ANKRD13B: variants seen among roughly 807,000 people sequenced by gnomAD.
ANKRD13B encodes the protein ankyrin repeat domain 13B.
A neutral mutation model predicts 74.4 loss-of-function variants in ANKRD13B; 33 were observed. The ratio of observed to expected loss-of-function variants is 0.44; its 90% CI spans 0.34 to 0.59. The LOEUF (loss-of-function observed/expected upper bound fraction) is 0.59. ANKRD13B is among the 20% of genes least tolerant of loss of function. ANKRD13B has a pLI of 0.02. For missense variants in ANKRD13B, 676 were observed against 877.9 expected, an observed-to-expected ratio of 0.77 and a Z score of 2.91; for synonymous variants, 341 against 362.9, an observed-to-expected ratio of 0.94 and a Z score of 0.68.
rs1555579170 is a variant in ANKRD13B, at chr17:29,599,878, T to TTTG, written c.114+6145_114+6146insGTT. 7.8e-4 allele frequency among the ~76,000 whole-genome samples: 99 copies of TTTG among 126,130 alleles called. 2 individuals carry two copies. Among genetic ancestry groups the TTTG allele is most frequent in the Middle Eastern group, 7.5e-3 (2 of 266 alleles). The allele number at this position is 126,130 out of a possible 152,430, so 82.7% of individuals were successfully genotyped here. On this transcript the variant is annotated intron_variant, in intron 1 of 14. Transcript: ENST00000394859. ...AGCATCTAATTTGTTTTTTTTTTTT[T>TTTG]TTTTTTTTTTTTTTTTGATACGGAG... is the stretch of plus-strand genomic sequence containing the variant.
intron 1 of ANKRD13B, among the ~76,000 whole-genome samples, chr17:29,606,353 G>A (rs569440951): frequency 6.6e-6 from 1 of 151,954 alleles, no homozygotes; most frequent in Admixed American, 6.5e-5. Context: ...GAGGTCAGGA[G>A]TTAGAGACCA....
intron 1 of ANKRD13B, among the ~76,000 whole-genome samples, chr17:29,596,284 G>A (rs957293335): frequency 1.3e-5 from 2 of 152,396 alleles, no homozygotes; most frequent in South Asian, 4.1e-4. Flanking sequence ...CTGGAAGCAG[G>A]GAGTGATGGG....
At chr17:29,613,295 G>C in intron 14 of ANKRD13B, 59 bp from the exon 15 acceptor site, 3 of 1,383,934 alleles carry the variant, frequency 2.2e-6, no homozygotes, top group South Asian at 1.6e-5. Flanking sequence ...GCCGTGTCCC[G>C]GCCCCGGCCG....
intron 1 of ANKRD13B, among the ~76,000 whole-genome samples, chr17:29,601,810 T>C (rs1334851284): frequency 6.6e-6 from 1 of 152,236 alleles, no homozygotes; most frequent in Non-Finnish European, 1.5e-5. Flanking sequence ...GTTTTTGTTT[T>C]TTTCCCCCAG....
chr17:29,608,320 C>T lies in ANKRD13B; in HGVS notation c.421+80C>T. 1 of 1,581,104 alleles carries T rather than the reference C, an allele frequency of 6.3e-7. No homozygotes were observed. The highest frequency in any genetic ancestry group is 8.6e-7 in the Non-Finnish European group (1 of 1,156,984). ...TGCTCCCCTGCCTGGAATGTGTTCT[C>T]ATAGTTCTTCCGGCGGTTCCCTCTA... On this transcript the variant is annotated intron_variant, in intron 4 of 14. Transcript: ENST00000394859. The surrounding 1 kb of genome is among the most constrained non-coding windows in gnomAD (Gnocchi z 6.4).
At chr17:29,598,851 A>G (rs1427122747) in intron 1 of ANKRD13B, among the ~76,000 whole-genome samples, 1 of 152,132 alleles carries the variant, frequency 6.6e-6, no homozygotes, top group Non-Finnish European at 1.5e-5. Flanking sequence ...CGGCATAAAC[A>G]ATATACTTCT....
At chr17:29,597,810 C>T (rs1431118906) in intron 1 of ANKRD13B, among the ~76,000 whole-genome samples, 1 of 152,104 alleles carries the variant, frequency 6.6e-6, no homozygotes, top group African/African-American at 2.4e-5. Flanking sequence ...CCATCCAGGC[C>T]TCCCTGGGGA....
In ANKRD13B at chr17:29,609,453, C is replaced by T; in HGVS notation, c.822+32C>T. ...CTGCAGCTCCCAGCTGCCAGCCCAG[C>T]TGCACTCTTGCCTACAGCAAGCTGT... On this transcript the variant is annotated intron_variant, in intron 7 of 14. Coordinates refer to ENST00000394859, the MANE Select transcript of ANKRD13B (RefSeq NM_152345.5). The surrounding 1 kb of genome is among the most constrained non-coding windows in gnomAD (Gnocchi z 4.0). The T allele has an allele frequency of 1.2e-6, 2 of 1,611,172 alleles. No individual in the cohort carries two copies. The highest frequency in any genetic ancestry group is 1.7e-6 in the Non-Finnish European group (2 of 1,178,912).
At chr17:29,605,313 C>T (rs2034328237) in intron 1 of ANKRD13B, among the ~76,000 whole-genome samples, 1 of 152,042 alleles carries the variant, frequency 6.6e-6, no homozygotes, top group African/African-American at 2.4e-5. Flanking sequence ...TCACCTTGTT[C>T]ATTTTCCTTA....
chr17:29,607,258 T>C (rs1414262218), intron 1 of ANKRD13B, among the ~76,000 whole-genome samples: 1 of 152,248 alleles, frequency 6.6e-6, no homozygotes, highest in Non-Finnish European at 1.5e-5. Flanking sequence ...TGTATTACTG[T>C]AACCGTTTGT....
intron 1 of ANKRD13B, among the ~76,000 whole-genome samples, chr17:29,606,256 T>C (rs2034370053): frequency 6.6e-6 from 1 of 151,180 alleles, no homozygotes; most frequent in Admixed American, 6.6e-5. Context: ...TCTCGAAATA[T>C]ATTTAAATAC....
At chr17:29,604,335 G>A (rs1027608159) in intron 1 of ANKRD13B, among the ~76,000 whole-genome samples, 12 of 151,568 alleles carry the variant, frequency 7.9e-5, no homozygotes, top group Non-Finnish European at 1.0e-4. Context: ...CAGTCACTGA[G>A]TAGCTGAGGC....
chr17:29,602,909 T>C (rs1008168908), intron 1 of ANKRD13B, among the ~76,000 whole-genome samples: 1 of 152,198 alleles, frequency 6.6e-6, no homozygotes, highest in South Asian at 2.1e-4. Context: ...TGGAGTGCAG[T>C]GACACGATCT....
chr17:29,612,640 C>T lies in ANKRD13B; in HGVS notation c.1412-12C>T. The T allele has an allele frequency of 6.5e-7, 1 of 1,531,726 alleles. No homozygotes were observed. The highest frequency in any genetic ancestry group is 1.2e-5 in the South Asian group (1 of 80,276). The allele number at this position is 1,531,726 out of a possible 1,614,324, so 94.9% of individuals were successfully genotyped here. A position where few individuals can be genotyped will look rare whatever the true frequency, so the allele number is the denominator to read the frequency against. On this transcript the variant is annotated splice_polypyrimidine_tract_variant and intron_variant, in intron 12 of 14. Coordinates refer to ENST00000394859, the MANE Select transcript of ANKRD13B (RefSeq NM_152345.5). This position sits in a 1 kb window ranked among gnomAD's most constrained non-coding sequence, Gnocchi z 6.1. ...CGCCCGGCCGTGCCTGACCCAGCCC[C>T]CGCGCCCCCAGCCTCCTGCCGCGGC...
rs1337555345 is a variant in ANKRD13B, at chr17:29,613,499, G to A, written c.1798G>A (p.Glu600Lys). 4.6e-6 allele frequency: 7 copies of A among 1,531,650 alleles called. No homozygotes were observed. The African/African-American group carries it at 5.7e-5, about 12-fold the overall frequency. 94.9% of individuals were successfully genotyped at this position (1,531,650 alleles called of 1,614,324 possible). A position where few individuals can be genotyped will look rare whatever the true frequency, so the allele number is the denominator to read the frequency against. Reference sequence around the variant, plus strand: ...GCTGGCGATGGAACTGTCGGCGCAGGAGCAGGAGGAGAGGCGGCGGCGCGC... The same window carrying A: ...GCTGGCGATGGAACTGTCGGCGCAGAAGCAGGAGGAGAGGCGGCGGCGCGC... ...LRLAMELSAQ[E>K]QEERRRRARQ... The change falls in exon 15 of 15, where the codon GAG becomes AAG. Residue 600 changes from glutamate (E) to lysine (K), a missense_variant. Physicochemically the swap from Glu to Lys is moderately conservative, Grantham distance 56. Around this residue, in one of 4 missense-constraint regions of ANKRD13B, gnomAD observed 108 missense variants for 90.3 expected, o/e 1.20. Transcript: ENST00000394859.
intron 1 of ANKRD13B, among the ~76,000 whole-genome samples, chr17:29,607,209 T>C (rs2034421002): frequency 6.6e-6 from 1 of 152,248 alleles, no homozygotes; most frequent in Non-Finnish European, 1.5e-5. Flanking sequence ...GTTGTGAAAT[T>C]GTATTAATAC....
At chr17:29,606,930 A>G (rs1299075481) in intron 1 of ANKRD13B, among the ~76,000 whole-genome samples, 2 of 151,782 alleles carry the variant, frequency 1.3e-5, no homozygotes, top group East Asian at 3.9e-4. Flanking sequence ...AATGTCTGTA[A>G]TCCCAGCTAC....
In ANKRD13B at chr17:29,611,631, C is replaced by T. The variant is rs1376885799; in HGVS notation, c.957C>T (p.Gly319=). The change falls in exon 9 of 15, where the codon GGC becomes GGT. Residue 319 remains glycine, a synonymous_variant. Coordinates refer to ENST00000394859, the MANE Select transcript of ANKRD13B (RefSeq NM_152345.5). This position sits in a 1 kb window ranked among gnomAD's most constrained non-coding sequence, Gnocchi z 4.3. Reference sequence around the variant, plus strand: ...TGGGAATCGCTGAGCAGCACGGGGGCCCCCAAAATGGGGTGAGTGTGTGCA... The same window carrying T: ...TGGGAATCGCTGAGCAGCACGGGGGTCCCCAAAATGGGGTGAGTGTGTGCA... ...SFLGIAEQHG[G]PQNGTLITQT... 2.5e-6 allele frequency: 4 copies of T among 1,614,006 alleles called. No individual in the cohort carries two copies. Among genetic ancestry groups the T allele is most frequent in the Admixed American group, 3.3e-5 (2 of 60,000 alleles).
Position 29,609,230 on chromosome 17 carries a change from C to T in ANKRD13B, c.710C>T (p.Pro237Leu). 1 of 1,613,144 alleles carries T rather than the reference C, an allele frequency of 6.2e-7. No homozygotes were observed. The highest frequency in any genetic ancestry group is 8.5e-7 in the Non-Finnish European group (1 of 1,179,910). Reference protein sequence around the residue: ...EEQVLSRLTAPVVTTQLDTKN... With the variant: ...EEQVLSRLTALVVTTQLDTKN... The stretch of plus-strand genomic sequence containing the variant: ...CAGGTGCTGAGCCGGCTTACCGCGC[C>T]CGTCGTCACCACTCAGCTTGACACC... Residue 237 changes from proline to leucine, a missense_variant, in exon 6 of 15, where the codon CCC (proline) becomes CTC (leucine). Transcript: ENST00000394859. This position sits in a 1 kb window ranked among gnomAD's most constrained non-coding sequence, Gnocchi z 4.0.
Sources: gnomAD v4.1 joint callset for allele counts (sites outside exome capture counted in the v4.1 genomes callset) on GRCh38, gnomAD v4.1.1 for gene constraint, gnomAD v4.1.1 regional missense constraint, Gnocchi (gnomAD v3.1) non-coding constraint, MANE v1.5 for transcripts, NCBI Gene and HGNC (gene_info 2026-07-23, HGNC 2026-07-21) for gene names.